Variants in NPR1 observed in about 807,000 individuals in gnomAD.
NPR1 encodes atrial natriuretic peptide receptor 1.
In NPR1, 57 loss-of-function variants were observed where a neutral mutation model predicts 116.9. The observed-to-expected ratio is 0.49, with a 90% CI of 0.39 to 0.61. The LOEUF (loss-of-function observed/expected upper bound fraction) is 0.61, where lower values mean the gene tolerates loss of function less well. Ranked by LOEUF, NPR1 falls within the 20% of genes least tolerant of loss-of-function variation. The pLI is 0.00. For synonymous variants in NPR1, 555 were observed against 601.6 expected (o/e 0.92, Z 1.13); for missense variants, 1,096 against 1,409.8 (o/e 0.78, Z 3.56).
In NPR1 at chr1:153,687,627, C is replaced by A; in HGVS notation, c.2093-7C>A. 6.4e-7 allele frequency: 1 copy of A among 1,573,888 alleles called. No individual in the cohort carries two copies. ...TCACTCGGTGACTACCGACCTCTGA[C>A]CCACAGAAAAGCTGTGGACGGCCCC... On this transcript the variant is annotated splice_region_variant and splice_polypyrimidine_tract_variant and intron_variant, in intron 13 of 21. Transcript: ENST00000368680.
At chr1:153,685,925 G>A in intron 9 of NPR1, 45 bp downstream of exon 9, 3 of 1,566,696 alleles carry the variant, frequency 1.9e-6, no homozygotes, top group Non-Finnish European at 1.8e-6. Context: ...TGGGGCAGGA[G>A]TGTACTCTGA....
At position 153,678,994 on chromosome 1, in the gene NPR1, C is replaced by G; in HGVS notation, c.-115C>G. On this transcript the variant is annotated 5_prime_UTR_variant, in exon 1 of 22. Coordinates refer to ENST00000368680, the MANE Select transcript of NPR1 (RefSeq NM_000906.4). This position sits in a 1 kb window ranked among gnomAD's most constrained non-coding sequence, Gnocchi z 5.8. The stretch of plus-strand genomic sequence containing the variant: ...AGCCCCGGGGTGAGCGTCCCCGTCC[C>G]GCTCCTGCTCCTTCCCATAGGGACG... The G allele has an allele frequency of 1.6e-6, 2 of 1,267,702 alleles. No homozygotes were observed. The highest frequency in any genetic ancestry group is 2.0e-6 in the Non-Finnish European group (2 of 983,130). 78.5% of individuals were successfully genotyped at this position (1,267,702 alleles called of 1,614,324 possible).
At chr1:153,690,770 C>G (rs574739866) in intron 20 of NPR1, among the ~76,000 whole-genome samples, 2 of 151,524 alleles carry the variant, frequency 1.3e-5, no homozygotes, top group Non-Finnish European at 2.9e-5. Context: ...GATGAAATCC[C>G]GTCTCTACTA....
Position 153,678,980 on chromosome 1 carries a change from G to A in NPR1, c.-129G>A, listed in dbSNP as rs972764107. On this transcript the variant is annotated 5_prime_UTR_variant, in exon 1 of 22. Transcript: ENST00000368680. The surrounding 1 kb of genome is among the most constrained non-coding windows in gnomAD (Gnocchi z 5.8). ...TACAGGGGGCCTCGAGCCCCGGGGT[G>A]AGCGTCCCCGTCCCGCTCCTGCTCC... is the stretch of plus-strand genomic sequence containing the variant. The A allele has an allele frequency of 1.4e-5, 17 of 1,204,534 alleles. No individual in the cohort carries two copies. Among genetic ancestry groups the A allele is most frequent in the Non-Finnish European group, 1.6e-5 (15 of 927,532 alleles). The allele number at this position is 1,204,534 out of a possible 1,614,324, so 74.6% of individuals were successfully genotyped here.
chr1:153,686,636 C>A lies in NPR1; in HGVS notation c.1759-10C>A. The A allele has an allele frequency of 6.2e-7, 1 of 1,611,254 alleles. No individual in the cohort carries two copies. Among genetic ancestry groups the A allele is most frequent in the South Asian group, 1.1e-5 (1 of 90,786 alleles). On this transcript the variant is annotated splice_polypyrimidine_tract_variant and intron_variant, in intron 10 of 21. Coordinates refer to ENST00000368680, the MANE Select transcript of NPR1 (RefSeq NM_000906.4). ...CTCTGTCAAGCTCCTGATGCTGGTCCCACTTGCAGATGCGGGATGTGCAGA... is the reference window on the plus strand; with the variant it reads ...CTCTGTCAAGCTCCTGATGCTGGTCACACTTGCAGATGCGGGATGTGCAGA...
At chr1:153,683,224 G>T (rs1011641195) in intron 5 of NPR1, 152 bp from the exon 6 acceptor site, 6 of 780,202 alleles carry the variant, frequency 7.7e-6, no homozygotes, top group African/African-American at 7.0e-5. Context: ...CCTGTGTCCA[G>T]TTGCAGTGGG....
In NPR1 at chr1:153,683,573, A is replaced by G. The variant is rs1669843702; in HGVS notation, c.1399+62A>G. ...GATGCTGCATCCTTCCCCTAAGCAC[A>G]GTCGAGTAGGTGCTCCTGTCCCATG... On this transcript the variant is annotated intron_variant, in intron 6 of 21. Coordinates refer to ENST00000368680, the MANE Select transcript of NPR1 (RefSeq NM_000906.4). 2.5e-6 allele frequency: 4 copies of G among 1,603,332 alleles called. No homozygotes were observed. In the East Asian group the frequency reaches 8.9e-5, roughly 36 times the overall value.
chr1:153,679,488 G>A lies in NPR1; in HGVS notation c.380G>A (p.Arg127His). 6.5e-7 allele frequency: 1 copy of A among 1,539,164 alleles called. No homozygotes were observed. Among genetic ancestry groups the A allele is most frequent in the Non-Finnish European group, 8.7e-7 (1 of 1,147,226 alleles). The change falls in exon 1 of 22, where the codon CGC becomes CAC. Residue 127 changes from arginine (R) to histidine (H), a missense_variant. Coordinates refer to ENST00000368680, the MANE Select transcript of NPR1 (RefSeq NM_000906.4). The surrounding 1 kb of genome is among the most constrained non-coding windows in gnomAD (Gnocchi z 4.2). ...GCVYAAAPVG[R>H]FTAHWRVPLL... ...GTGTACGCCGCCGCCCCAGTGGGGCGCTTCACCGCGCACTGGCGGGTCCCG... is the reference window on the plus strand; with the variant it reads ...GTGTACGCCGCCGCCCCAGTGGGGCACTTCACCGCGCACTGGCGGGTCCCG...
At chr1:153,685,146 C>T in intron 8 of NPR1, 62 bp downstream of exon 8, 2 of 1,587,676 alleles carry the variant, frequency 1.3e-6, no homozygotes, top group Non-Finnish European at 1.7e-6. Flanking sequence ...AGGGGCAGTG[C>T]CTGAGGGATA....
rs1214054235 is a variant in NPR1, at chr1:153,687,663, C to A, written c.2122C>A (p.Arg708=). Residue 708 remains arginine, a synonymous_variant, in exon 14 of 22, where the codon CGA becomes AGA. Coordinates refer to ENST00000368680, the MANE Select transcript of NPR1 (RefSeq NM_000906.4). Reference sequence around the variant, plus strand: ...GCTGTGGACGGCCCCTGAGCTCCTGCGAATGGCTTCACCCCCTGTGCGGGG... The same window carrying A: ...GCTGTGGACGGCCCCTGAGCTCCTGAGAATGGCTTCACCCCCTGTGCGGGG... The part of the protein sequence containing the change: ...KKLWTAPELL[R]MASPPVRGSQ... 6.3e-7 allele frequency: 1 copy of A among 1,597,252 alleles called. No individual in the cohort carries two copies. The highest frequency in any genetic ancestry group is 2.3e-5 in the East Asian group (1 of 44,414).
intron 2 of NPR1, 172 bp downstream of exon 2, chr1:153,680,872 G>A: frequency 1.5e-6 from 1 of 652,208 alleles, no homozygotes; most frequent in Non-Finnish European, 2.6e-6. Context: ...TGCTCACTGG[G>A]AATTAGGCAA....
At chr1:153,681,433 G>A (rs1174294375) in intron 3 of NPR1, 140 bp downstream of exon 3, 11 of 656,036 alleles carry the variant, frequency 1.7e-5, no homozygotes, top group Non-Finnish European at 2.4e-5. Flanking sequence ...TCGTGATGAT[G>A]GAGGAGGACA....
intron 14 of NPR1, 87 bp downstream of exon 14, chr1:153,687,876 A>T: frequency 7.2e-7 from 1 of 1,382,018 alleles, no homozygotes; most frequent in Non-Finnish European, 9.9e-7. Context: ...GCACCACCAC[A>T]CCTTCCTTCT....
chr1:153,693,056 G>T (rs757537201), intron 20 of NPR1, 50 bp from the exon 21 acceptor site: 4 of 1,457,684 alleles, frequency 2.7e-6, no homozygotes. Flanking sequence ...CTACTTTCCT[G>T]CTCTCCTCTC....
chr1:153,689,979 A>G lies in NPR1; in HGVS notation c.2931A>G (p.Thr977=). The change falls in exon 19 of 22, where the codon ACA becomes ACG. Residue 977 remains threonine, a splice_region_variant and synonymous_variant. Transcript: ENST00000368680. This position sits in a 1 kb window ranked among gnomAD's most constrained non-coding sequence, Gnocchi z 5.1. ...EQLRLRIGIH[T]GPVCAGVVGL... is the part of the protein sequence containing the mutation. Reference sequence around the variant, plus strand: ...TGCGCTTGCGCATTGGCATCCACACAGGTAAGGCCACTGAAGGTGCAGGCG... The same window carrying G: ...TGCGCTTGCGCATTGGCATCCACACGGGTAAGGCCACTGAAGGTGCAGGCG... The G allele has an allele frequency of 6.6e-7, 1 of 1,511,138 alleles. No individual in the cohort carries two copies. Among genetic ancestry groups the G allele is most frequent in the Non-Finnish European group, 8.9e-7 (1 of 1,123,680 alleles). The allele number at this position is 1,511,138 out of a possible 1,614,324, so 93.6% of individuals were successfully genotyped here.
Position 153,679,234 on chromosome 1 carries a change from G to T in NPR1, c.126G>T (p.Pro42=), listed in dbSNP as rs766117814. 6 of 1,525,716 alleles carry T rather than the reference G, an allele frequency of 3.9e-6. No individual in the cohort carries two copies. The highest frequency in any genetic ancestry group is 1.8e-6 in the Non-Finnish European group (2 of 1,141,242). The allele number at this position is 1,525,716 out of a possible 1,614,324, so 94.5% of individuals were successfully genotyped here. A position where few individuals can be genotyped will look rare whatever the true frequency, so the allele number is the denominator to read the frequency against. The part of the protein sequence containing the change: ...AGNLTVAVVL[P]LANTSYPWSW... ...ACCTGACGGTAGCCGTGGTACTGCC[G>T]CTGGCCAATACCTCGTACCCCTGGT... The change falls in exon 1 of 22, where the codon CCG becomes CCT. Residue 42 remains proline (P), a synonymous_variant. Coordinates refer to ENST00000368680, the MANE Select transcript of NPR1 (RefSeq NM_000906.4). This position sits in a 1 kb window ranked among gnomAD's most constrained non-coding sequence, Gnocchi z 4.2.
chr1:153,680,018 C>G (rs1669717524), intron 1 of NPR1, among the ~76,000 whole-genome samples, 189 bp downstream of exon 1: 1 of 152,064 alleles, frequency 6.6e-6, no homozygotes. Context: ...TCCGCCACCC[C>G]CACCACGTCT....
chr1:153,681,617 C>T (rs554814761), intron 3 of NPR1, 87 bp from the exon 4 acceptor site: 2 of 1,460,618 alleles, frequency 1.4e-6, no homozygotes, highest in African/African-American at 1.4e-5. Context: ...CTTCCAAAAT[C>T]CCAGTGCCTC....
chr1:153,687,991 C>A, intron 14 of NPR1, 62 bp from the exon 15 acceptor site: 1 of 1,264,914 alleles, frequency 7.9e-7, no homozygotes, highest in Non-Finnish European at 1.1e-6. Context: ...GCTGGTTGCC[C>A]CAGTCTCTCA....
Sources: gnomAD v4.1 joint callset for allele counts (sites outside exome capture counted in the v4.1 genomes callset) on GRCh38, gnomAD v4.1.1 for gene constraint, Gnocchi (gnomAD v3.1) non-coding constraint, MANE v1.5 for transcripts, NCBI Gene and HGNC (gene_info 2026-07-23, HGNC 2026-07-21) for gene names.